Variants in LONRF3 observed in about 807,000 individuals in gnomAD.
LONRF3 encodes LON peptidase N-terminal domain and RING finger protein 3.
Under a neutral mutation model 51.7 loss-of-function variants are expected in LONRF3, and 19 were observed. The ratio of observed to expected loss-of-function variants is 0.37; its 90% CI spans 0.26 to 0.54. The LOEUF (loss-of-function observed/expected upper bound fraction) is 0.54. Ranked by LOEUF, LONRF3 falls within the 20% of genes least tolerant of loss-of-function variation. The probability of loss-of-function intolerance (pLI) is 0.86; values close to 1 mark genes in which losing one functional copy is unlikely to be tolerated. For synonymous variants in LONRF3, 265 were observed against 257.8 expected, an observed-to-expected ratio of 1.03 and a Z score of -0.27; for missense variants, 521 against 623.9, an observed-to-expected ratio of 0.84 and a Z score of 1.76.
chrX:118,983,696 C>T (rs1222905275), intron 3 of LONRF3, among the ~76,000 whole-genome samples: 2 of 112,133 alleles, frequency 1.8e-5, no homozygotes, highest in African/African-American at 3.2e-5. Flanking sequence ...TGACAGTTGG[C>T]GGTTGTCTCT....
At chrX:118,992,325 G>A (rs1374276527) in intron 5 of LONRF3, among the ~76,000 whole-genome samples, 1 of 111,712 alleles carries the variant, frequency 9.0e-6, no homozygotes, top group Admixed American at 9.5e-5. Flanking sequence ...TGGAGCTGTT[G>A]GGGAGGGCAC....
rs747526914 is a variant in LONRF3 at position 118,990,547 on chromosome X, G to A, written c.1402G>A (p.Ala468Thr). 8.3e-7 allele frequency: 1 copy of A among 1,201,538 alleles called. No homozygotes were observed. Among genetic ancestry groups the A allele is most frequent in the South Asian group, 1.8e-5 (1 of 56,694 alleles). The change falls in exon 5 of 11, where the codon GCT (alanine) becomes ACT (threonine). Residue 468 changes from alanine (A) to threonine (T), a missense_variant. Physicochemically the swap from Ala to Thr is moderately conservative, Grantham distance 58. Coordinates refer to ENST00000371628, the MANE Select transcript of LONRF3 (RefSeq NM_001031855.3). ...TTTCGACGCATCTGACCTTGAATGCGCTCTATGTATGAGGTACGTCCTGTG... is the reference window on the plus strand; with the variant it reads ...TTTCGACGCATCTGACCTTGAATGCACTCTATGTATGAGGTACGTCCTGTG... ...ASFDASDLECALCMRLFYEPV... is the reference protein window; with the variant it reads ...ASFDASDLECTLCMRLFYEPV...
At chrX:118,976,591 G>A (rs1304815039) in intron 1 of LONRF3, 1 of 112,175 alleles carries the variant, frequency 8.9e-6, no homozygotes, top group East Asian at 2.8e-4. Flanking sequence ...CCGCTTTTCA[G>A]TGCCGCCTGG....
chrX:118,976,512 G>T (rs766072066), intron 1 of LONRF3: 3 of 113,134 alleles, frequency 2.7e-5, no homozygotes, highest in African/African-American at 9.6e-5. Flanking sequence ...CCGGCGGGAG[G>T]CCGGCGCGGC....
In LONRF3 at chrX:118,974,779, C is replaced by T. The variant is rs113882321; in HGVS notation, c.-2C>T. The T allele has an allele frequency of 4.6e-5, 55 of 1,190,751 alleles. No homozygotes were observed. The highest frequency in any genetic ancestry group is 4.2e-4 in the African/African-American group (24 of 56,833). On this transcript the variant is annotated 5_prime_UTR_variant, in exon 1 of 11. Coordinates refer to ENST00000371628, the MANE Select transcript of LONRF3 (RefSeq NM_001031855.3). ...CTCGTCTCCTCCCGTGTCCCTCTTC[C>T]CATGGAGTCAGTACGGATCGAACAG... is the stretch of plus-strand genomic sequence containing the variant.
At chrX:119,006,327 C>A in intron 6 of LONRF3, 92 bp downstream of exon 6, 4 of 539,485 alleles carry the variant, frequency 7.4e-6, no homozygotes, top group South Asian at 8.2e-5. Context: ...AGACAGTGTT[C>A]AACTGGACCC....
chrX:118,982,784 G>A (rs1364198014), intron 2 of LONRF3, 37 bp from the exon 3 acceptor site: 2 of 1,208,600 alleles, frequency 1.7e-6, no homozygotes, highest in Admixed American at 4.4e-5. Flanking sequence ...TTAATAGGCT[G>A]AATAAAATGG....
intron 7 of LONRF3, among the ~76,000 whole-genome samples, chrX:119,010,167 C>T (rs1480340541): frequency 9.0e-6 from 1 of 111,719 alleles, no homozygotes; most frequent in South Asian, 3.8e-4. Context: ...CTTTCTCTGC[C>T]GTGCACAGGT....
At chrX:119,013,983 T>C (rs1925277753) in intron 9 of LONRF3, among the ~76,000 whole-genome samples, 1 of 112,007 alleles carries the variant, frequency 8.9e-6, no homozygotes, top group African/African-American at 3.2e-5. Context: ...TTTCAGCTAA[T>C]CTACCCAGCT....
At chrX:119,001,730 A>G (rs1331415415) in intron 5 of LONRF3, among the ~76,000 whole-genome samples, 1 of 112,721 alleles carries the variant, frequency 8.9e-6, no homozygotes, top group Non-Finnish European at 1.9e-5. Flanking sequence ...CATTTTAATC[A>G]CAGCTTTTGC....
At chrX:119,013,502 G>A (rs6603465) in intron 9 of LONRF3, among the ~76,000 whole-genome samples, 50,852 of 110,805 alleles carry the variant, frequency 0.46, 9,659 homozygotes, top group African/African-American at 0.73. Flanking sequence ...TGCAAGGAAT[G>A]GATCTGGGGT....
At chrX:118,979,176 ATTT>A (rs374755826) in intron 2 of LONRF3, among the ~76,000 whole-genome samples, 7 of 104,858 alleles carry the variant, frequency 6.7e-5, no homozygotes, top group Admixed American at 6.1e-4. Context: ...AATTTTTTGT[ATTT>A]TTTTTTGTAG....
At chrX:118,991,121 G>A (rs1341668859) in intron 5 of LONRF3, among the ~76,000 whole-genome samples, 2 of 111,692 alleles carry the variant, frequency 1.8e-5, no homozygotes, top group Non-Finnish European at 3.8e-5. Flanking sequence ...GCCTCCCAAA[G>A]TCCTGGGATT....
At chrX:119,002,055 C>T (rs1001384244) in intron 5 of LONRF3, among the ~76,000 whole-genome samples, 1 of 112,578 alleles carries the variant, frequency 8.9e-6, no homozygotes, top group African/African-American at 3.2e-5. Flanking sequence ...TAGATCACAG[C>T]AGTGGTTCCA....
chrX:119,016,205 C>A (rs571093548), intron 10 of LONRF3, among the ~76,000 whole-genome samples: 18 of 111,332 alleles, frequency 1.6e-4, no homozygotes, highest in African/African-American at 5.5e-4. Flanking sequence ...GCAGAAAGCT[C>A]GTTTTAGGCT....
intron 5 of LONRF3, among the ~76,000 whole-genome samples, chrX:119,000,909 C>T (rs1056680382): frequency 4.7e-5 from 5 of 107,026 alleles, no homozygotes; most frequent in South Asian, 4.5e-4. Context: ...TCCCTCCTCT[C>T]CTCCTCCTTT....
At chrX:119,000,775 T>TTCTCTCTCTCTCTC (rs200671696) in intron 5 of LONRF3, among the ~76,000 whole-genome samples, 1 of 55,846 alleles carries the variant, frequency 1.8e-5, no homozygotes, top group Non-Finnish European at 3.3e-5. Context: ...TTCACTCTCA[T>TTCTCTCTCTCTCTC]TCTCTCTCTC....
chrX:118,979,837 C>T (rs755901934), intron 2 of LONRF3, among the ~76,000 whole-genome samples: 26 of 111,622 alleles, frequency 2.3e-4, no homozygotes, highest in South Asian at 1.5e-3. Flanking sequence ...AGAAGAAAAA[C>T]GGCCTGGACA....
Position 118,989,670 on chromosome X carries a change from A to G in LONRF3, c.1322A>G (p.Gln441Arg), listed in dbSNP as rs779636375. The G allele has an allele frequency of 8.3e-7, 1 of 1,208,164 alleles. No individual in the cohort carries two copies. Among genetic ancestry groups the G allele is most frequent in the South Asian group, 1.8e-5 (1 of 55,994 alleles). ...ETGMPNKASKQDPPTDQGDKP... is the reference protein window; with the variant it reads ...ETGMPNKASKRDPPTDQGDKP... ...GGGATGCCTAATAAAGCCTCCAAGC[A>G]AGGTACTGGCTCTACCCAGAGAGAA... Residue 441 changes from glutamine to arginine, a missense_variant and splice_region_variant, in exon 4 of 11, where the codon CAA becomes CGA. This residue lies in a region of LONRF3 where 376 missense variants were observed against 376.7 expected (regional missense o/e 1.00). Coordinates refer to ENST00000371628, the MANE Select transcript of LONRF3 (RefSeq NM_001031855.3).
Sources: gnomAD v4.1 joint callset for allele counts (sites outside exome capture counted in the v4.1 genomes callset) on GRCh38, gnomAD v4.1.1 for gene constraint, gnomAD v4.1.1 regional missense constraint, MANE v1.5 for transcripts, NCBI Gene and HGNC (gene_info 2026-07-23, HGNC 2026-07-21) for gene names.